SLC22A31: variants seen among roughly 807,000 people sequenced by gnomAD.
SLC22A31 encodes the protein putative solute carrier family 22 member 31.
Under a neutral mutation model 27.4 loss-of-function variants are expected in SLC22A31, and 42 were observed. That is an observed-to-expected ratio of 1.53 (90% confidence interval 1.20 to 1.98). The LOEUF is 1.98. Among genes scored for constraint, SLC22A31 ranks in the 30% most tolerant of loss-of-function variants. The pLI is 0.00. For missense variants in SLC22A31, 593 were observed against 479.9 expected (o/e 1.24, Z -2.20); for synonymous variants, 290 against 230.8 (o/e 1.26, Z -2.33).
Position 89,198,128 on chromosome 16 carries a change from C to A in SLC22A31, c.916G>T (p.Ala306Ser), listed in dbSNP as rs1916151816. 3.3e-6 allele frequency: 5 copies of A among 1,532,836 alleles called. No homozygotes were observed. Among genetic ancestry groups the A allele is most frequent in the Non-Finnish European group, 4.4e-6 (5 of 1,146,594 alleles). The allele number at this position is 1,532,836 out of a possible 1,614,324, so 95.0% of individuals were successfully genotyped here. The change falls in exon 7 of 9, where the codon GCC becomes TCC. Residue 306 changes from alanine to serine, a missense_variant. By Grantham distance (99) the Ala-to-Ser change is moderately conservative. Transcript: ENST00000682282. ...GLASLLLLAG[A>S]QYLPGWTVLF... The stretch of plus-strand genomic sequence containing the variant: ...TGCGGGGCCCCAAGCTCACACTGGG[C>A]CCCAGCGAGGAGCAGCAGGGATGCC...
chr16:89,200,812 TCTCTAGCCCAGC>T (rs1434128338), upstream of SLC22A31, among the ~76,000 whole-genome samples: 2 of 152,162 alleles, frequency 1.3e-5, no homozygotes, highest in Non-Finnish European at 2.9e-5. Context: ...GGCAATGCAG[TCTCTAGCCCAGC>T]CTCTGCGCAC....
chr16:89,199,194 G>T lies in SLC22A31; in HGVS notation c.284-3C>A. On this transcript the variant is annotated splice_region_variant and splice_polypyrimidine_tract_variant and intron_variant, in intron 3 of 8. Coordinates refer to ENST00000682282, the MANE Select transcript of SLC22A31 (RefSeq NM_001384763.1). The stretch of plus-strand genomic sequence containing the variant: ...GGGAGGGTCACACAACTCCAGGCCT[G>T]GGCAGACACAGACAGGTTGAAGTGG... The T allele has an allele frequency of 6.6e-7, 1 of 1,524,700 alleles. No homozygotes were observed. The highest frequency in any genetic ancestry group is 1.2e-5 in the South Asian group (1 of 83,150). The allele number at this position is 1,524,700 out of a possible 1,614,324, so 94.4% of individuals were successfully genotyped here.
upstream of SLC22A31, chr16:89,201,263 T>G: frequency 2.8e-6 from 1 of 362,504 alleles, no homozygotes; most frequent in Non-Finnish European, 4.9e-6. Context: ...GGGGCGCACC[T>G]GGGTGACCGG....
At position 89,199,068 on chromosome 16, in the gene SLC22A31, T is replaced by C. The variant is rs1416252788; in HGVS notation, c.407A>G (p.Gln136Arg). 2.1e-5 allele frequency: 33 copies of C among 1,535,554 alleles called. No individual in the cohort carries two copies. The highest frequency in any genetic ancestry group is 2.9e-5 in the Non-Finnish European group (33 of 1,146,694). Reference protein sequence around the residue: ...AALVQDWRLLQGLGALMSGLL... With the variant: ...AALVQDWRLLRGLGALMSGLL... ...TCCACTCATCAGGGCACCCAGCCCC[T>C]GCAGAAGACGCCAGTCCTGCACAAG... is the stretch of plus-strand genomic sequence containing the variant. Residue 136 changes from glutamine (Q) to arginine (R), a missense_variant, in exon 4 of 9, where the codon CAG becomes CGG. Physicochemically the swap from Gln to Arg is conservative, Grantham distance 43. Coordinates refer to ENST00000682282, the MANE Select transcript of SLC22A31 (RefSeq NM_001384763.1).
chr16:89,201,084 G>A, upstream of SLC22A31: 1 of 372,382 alleles, frequency 2.7e-6, no homozygotes, highest in Non-Finnish European at 4.8e-6. Context: ...CCGCGGGTCC[G>A]GCCCGTGCGC....
rs1328977932 is a variant in SLC22A31 at position 89,199,439 on chromosome 16, C to T, written c.257G>A (p.Gly86Glu). The T allele has an allele frequency of 1.3e-5, 7 of 540,510 alleles. No homozygotes were observed. Among genetic ancestry groups the T allele is most frequent in the Non-Finnish European group, 2.3e-5 (7 of 301,700 alleles). The allele number at this position is 540,510 out of a possible 1,614,324, so 33.5% of individuals were successfully genotyped here. A position where few individuals can be genotyped will look rare whatever the true frequency, so the allele number is the denominator to read the frequency against. Reference protein sequence around the residue: ...LRLLHGGTLAGALLALYLARL... With the variant: ...LRLLHGGTLAEALLALYLARL... ...AGCCAGATACAGGGCGAGGAGGGCC[C>T]CTGCCAATGTGCCCCCGTGGAGTAG... is the stretch of plus-strand genomic sequence containing the variant. The change falls in exon 3 of 9, where the codon GGG becomes GAG. Residue 86 changes from glycine (G) to glutamate (E), a missense_variant. Gly to Glu is a moderately conservative substitution (Grantham distance 98). Transcript: ENST00000682282.
chr16:89,195,945 T>G lies in SLC22A31; in HGVS notation c.*54A>C. ...ACCAGACGTCTGGGGTACTCAGCCA[T>G]GCCCCAGGCCTTGACTTTGGTCCCA... On this transcript the variant is annotated 3_prime_UTR_variant, in exon 9 of 9. Transcript: ENST00000682282. The G allele has an allele frequency of 6.9e-7, 1 of 1,440,330 alleles. No individual in the cohort carries two copies. Among genetic ancestry groups the G allele is most frequent in the Non-Finnish European group, 9.1e-7 (1 of 1,099,910 alleles). The allele number at this position is 1,440,330 out of a possible 1,614,324, so 89.2% of individuals were successfully genotyped here.
rs780584117 is a variant in SLC22A31 at position 89,195,868 on chromosome 16, G to A, written c.*131C>T. 3.8e-4 allele frequency: 424 copies of A among 1,115,494 alleles called. 3 individuals carry two copies. The highest frequency in any genetic ancestry group is 8.0e-5 in the African/African-American group (5 of 62,228). The allele number at this position is 1,115,494 out of a possible 1,614,324, so 69.1% of individuals were successfully genotyped here. On this transcript the variant is annotated 3_prime_UTR_variant, in exon 9 of 9. Coordinates refer to ENST00000682282, the MANE Select transcript of SLC22A31 (RefSeq NM_001384763.1). ...GGAGACACCTTCACGCTGTCCCCAC[G>A]GCTCCACCTGCACTGAGACACGGGC... is the stretch of plus-strand genomic sequence containing the variant.
intron 8 of SLC22A31, among the ~76,000 whole-genome samples, chr16:89,196,872 A>G (rs1440187578): frequency 1.3e-5 from 2 of 150,746 alleles, no homozygotes; most frequent in Non-Finnish European, 3.0e-5. Context: ...CTTGAACCAG[A>G]GAGTTGGAGG....
In SLC22A31 at chr16:89,198,795, A is replaced by G. The variant is rs1466387601; in HGVS notation, c.455T>C (p.Phe152Ser). 3.9e-6 allele frequency: 6 copies of G among 1,529,208 alleles called. No individual in the cohort carries two copies. In the East Asian group the frequency reaches 1.5e-4, roughly 38 times the overall value. 94.7% of individuals were successfully genotyped at this position (1,529,208 alleles called of 1,614,324 possible). The change falls in exon 5 of 9, where the codon TTC becomes TCC. Residue 152 changes from phenylalanine to serine, a missense_variant and splice_region_variant. By Grantham distance (155) the Phe-to-Ser change is radical. Transcript: ENST00000682282. Reference sequence around the variant, plus strand: ...GGGAGACTCGGGGAACAGGGCCGGGAACCTGCAGCGTTGGTGAGGATGCCC... The same window carrying G: ...GGGAGACTCGGGGAACAGGGCCGGGGACCTGCAGCGTTGGTGAGGATGCCC... ...MSGLLLLFWG[F>S]PALFPESPCW...
At chr16:89,197,219 G>C in intron 8 of SLC22A31, 79 bp downstream of exon 8, 1 of 1,135,694 alleles carries the variant, frequency 8.8e-7, no homozygotes, top group Admixed American at 2.2e-5. Context: ...ATGGGGACAG[G>C]GCCTCCTGTC....
chr16:89,197,343 G>A lies in SLC22A31; in HGVS notation c.989C>T (p.Ala330Val). 1 of 1,535,896 alleles carries A rather than the reference G, an allele frequency of 6.5e-7. No homozygotes were observed. Residue 330 changes from alanine (A) to valine (V), a missense_variant, in exon 8 of 9, where the codon GCA (alanine) becomes GTA (valine). Coordinates refer to ENST00000682282, the MANE Select transcript of SLC22A31 (RefSeq NM_001384763.1). The stretch of plus-strand genomic sequence containing the variant: ...CTCGGCCGCGAAGAGGCTGCTGAGT[G>A]CGGACACAGCCCGGGAGGCCAGGAG... ...LGLLASRAVS[A>V]LSSLFAAEVF...
At position 89,196,438 on chromosome 16, in the gene SLC22A31, G is replaced by C. The variant is rs939325840; in HGVS notation, c.1035-133C>G. On this transcript the variant is annotated intron_variant, in intron 8 of 8. Coordinates refer to ENST00000682282, the MANE Select transcript of SLC22A31 (RefSeq NM_001384763.1). ...GCCAGCCTCCTGGCCCAGGAACCCG[G>C]CCCCCAGCACCAGGCCCAGGCCGGC... 9 of 1,185,524 alleles carry C rather than the reference G, an allele frequency of 7.6e-6. No homozygotes were observed. In the African/African-American group the frequency reaches 1.2e-4, roughly 16 times the overall value. The allele number at this position is 1,185,524 out of a possible 1,614,324, so 73.4% of individuals were successfully genotyped here.
chr16:89,197,887 T>C (rs1916119709), intron 7 of SLC22A31, among the ~76,000 whole-genome samples: 1 of 152,218 alleles, frequency 6.6e-6, no homozygotes. Flanking sequence ...CTCTCATGCC[T>C]GTGCTGCACT....
At position 89,200,533 on chromosome 16, in the gene SLC22A31, C is replaced by G. The variant is rs1916484374; in HGVS notation, c.-32G>C. Among the ~76,000 whole-genome samples, 1 of 152,156 alleles carries G rather than the reference C, an allele frequency of 6.6e-6. No homozygotes were observed. Among genetic ancestry groups the G allele is most frequent in the Non-Finnish European group, 1.5e-5 (1 of 68,016 alleles). On this transcript the variant is annotated 5_prime_UTR_variant, in exon 1 of 9. Transcript: ENST00000682282. Reference sequence around the variant, plus strand: ...ATCCAGGCACCAAACAGGAGGAGGGCAGGTGGGAGGTGGGAGGGAGCAGGG... The same window carrying G: ...ATCCAGGCACCAAACAGGAGGAGGGGAGGTGGGAGGTGGGAGGGAGCAGGG...
rs1267163309 is a variant in SLC22A31 at position 89,196,049 on chromosome 16, G to A, written c.1291C>T (p.Leu431=). 4.6e-6 allele frequency: 7 copies of A among 1,529,700 alleles called. No homozygotes were observed. Among genetic ancestry groups the A allele is most frequent in the South Asian group, 1.2e-5 (1 of 83,550 alleles). The allele number at this position is 1,529,700 out of a possible 1,614,324, so 94.8% of individuals were successfully genotyped here. ...GRPRQDHLPL[L]PPSNSYWAGH... is the part of the protein sequence containing the mutation. ...GCCCAGTAGGAGTTGGAGGGCGGCAGCAGAGGCAGGTGGTCCTGGCGGGGG... is the reference window on the plus strand; with the variant it reads ...GCCCAGTAGGAGTTGGAGGGCGGCAACAGAGGCAGGTGGTCCTGGCGGGGG... The change falls in exon 9 of 9, where the codon CTG becomes TTG. Residue 431 remains leucine (L), a synonymous_variant. Coordinates refer to ENST00000682282, the MANE Select transcript of SLC22A31 (RefSeq NM_001384763.1).
intron 7 of SLC22A31, 55 bp from the exon 8 acceptor site, chr16:89,197,464 C>G (rs1567780816): frequency 7.9e-7 from 1 of 1,263,238 alleles, no homozygotes; most frequent in Admixed American, 2.1e-5. Flanking sequence ...TCCACCCTGG[C>G]CACTCAGGGC....
rs529268282 is a variant in SLC22A31, at chr16:89,197,447, C to G, written c.923-38G>C. The G allele has an allele frequency of 9.6e-6, 14 of 1,461,708 alleles. No homozygotes were observed. The African/African-American group carries it at 1.1e-4, about 12-fold the overall frequency. The allele number at this position is 1,461,708 out of a possible 1,614,324, so 90.5% of individuals were successfully genotyped here. ...AACAGGGGTTCCCAGGCTCTCTCCC[C>G]AGGCCTTCCACCCTGGCCACTCAGG... On this transcript the variant is annotated intron_variant, in intron 7 of 8. Coordinates refer to ENST00000682282, the MANE Select transcript of SLC22A31 (RefSeq NM_001384763.1).
chr16:89,197,637 C>G (rs924254353), intron 7 of SLC22A31, among the ~76,000 whole-genome samples: 5 of 152,330 alleles, frequency 3.3e-5, no homozygotes, highest in Admixed American at 3.3e-4. Context: ...CGCAGCCACA[C>G]CGACCACCTC....
Sources: allele counts gnomAD v4.1 joint callset (sites outside exome capture counted in the v4.1 genomes callset), GRCh38; gene constraint gnomAD v4.1.1; transcripts MANE v1.5; gene names NCBI Gene and HGNC (gene_info 2026-07-23, HGNC 2026-07-21).